Variants in MLLT3 observed in about 807,000 individuals in gnomAD.
The protein encoded by MLLT3 is protein AF-9.
Under a neutral mutation model 53.2 loss-of-function variants are expected in MLLT3, and 4 were observed. The ratio of observed to expected loss-of-function variants is 0.08; its 90% CI spans 0.04 to 0.17. The LOEUF (loss-of-function observed/expected upper bound fraction) is 0.17, where lower values mean the gene tolerates loss of function less well. MLLT3 is among the 10% of genes least tolerant of loss of function. MLLT3 has a pLI of 1.00. For synonymous variants in MLLT3, 283 were observed against 230.6 expected (o/e 1.23, Z -2.06); for missense variants, 569 against 684.0 (o/e 0.83, Z 1.87).
chr9:20,415,790 T>C (rs900617047), intron 4 of MLLT3, among the ~76,000 whole-genome samples: 2 of 151,990 alleles, frequency 1.3e-5, no homozygotes, highest in African/African-American at 2.4e-5. Context: ...AAAATATATA[T>C]ATAGGTACAT....
chr9:20,410,074 A>G (rs1288402630), intron 5 of MLLT3, among the ~76,000 whole-genome samples: 1 of 152,208 alleles, frequency 6.6e-6, no homozygotes, highest in Non-Finnish European at 1.5e-5. Context: ...GTATTTTTAC[A>G]TTGATCATGT....
rs571543127 is a variant in MLLT3, at chr9:20,574,255, A to G, written c.193+46399T>C. 1.1e-4 allele frequency among the ~76,000 whole-genome samples: 17 copies of G among 152,346 alleles called. No individual in the cohort carries two copies. In the East Asian group the frequency reaches 3.3e-3, roughly 29 times the overall value. ...TAAAAAAGAAACATGACAAACACTT[A>G]GAGACACAATAAAAGAAGAATGAAT... On this transcript the variant is annotated intron_variant, in intron 2 of 10. Coordinates refer to ENST00000380338, the MANE Select transcript of MLLT3 (RefSeq NM_004529.4).
chr9:20,601,057 C>T (rs1820409196), intron 2 of MLLT3, among the ~76,000 whole-genome samples: 1 of 152,170 alleles, frequency 6.6e-6, no homozygotes, highest in Non-Finnish European at 1.5e-5. Context: ...ACCGTTGCCC[C>T]CAGACTCAGA....
At chr9:20,522,669 A>G (rs1818093214) in intron 2 of MLLT3, among the ~76,000 whole-genome samples, 1 of 121,604 alleles carries the variant, frequency 8.2e-6, no homozygotes, top group African/African-American at 3.2e-5. Flanking sequence ...AAACAGAATA[A>G]AAACAGTTGT....
intron 2 of MLLT3, among the ~76,000 whole-genome samples, chr9:20,465,737 T>A (rs1824223073): frequency 6.6e-6 from 1 of 152,146 alleles, no homozygotes; most frequent in Admixed American, 6.5e-5. Flanking sequence ...TTTCAGCATC[T>A]TGTGAGCTCT....
intron 5 of MLLT3, among the ~76,000 whole-genome samples, chr9:20,384,254 A>G (rs1458808048): frequency 6.6e-6 from 1 of 152,054 alleles, no homozygotes. Context: ...TTTATAAAAT[A>G]TTACAAAGGA....
intron 2 of MLLT3, among the ~76,000 whole-genome samples, chr9:20,563,654 T>G (rs1300308392): frequency 6.6e-6 from 1 of 152,138 alleles, no homozygotes; most frequent in Non-Finnish European, 1.5e-5. Flanking sequence ...TCAGCTGGGT[T>G]AGAAAGCCCA....
chr9:20,435,860 G>T (rs1360296757), intron 4 of MLLT3, among the ~76,000 whole-genome samples: 3 of 152,112 alleles, frequency 2.0e-5, no homozygotes, highest in Non-Finnish European at 2.9e-5. Flanking sequence ...ATCGGTCCTA[G>T]ATTCAAATAT....
At position 20,426,882 on chromosome 9, in the gene MLLT3, G is replaced by A. The variant is rs117582209; in HGVS notation, c.421-12457C>T. On this transcript the variant is annotated intron_variant, in intron 4 of 10. Coordinates refer to ENST00000380338, the MANE Select transcript of MLLT3 (RefSeq NM_004529.4). ...TGAACTACAATCACTCATGAAAGAT[G>A]GGGTTGCCCTAAGGACACACGCATG... 7.8e-3 allele frequency among the ~76,000 whole-genome samples: 1,188 copies of A among 152,194 alleles called. 50 individuals carry two copies. Among genetic ancestry groups the A allele is most frequent in the Admixed American group, 0.058 (879 of 15,264 alleles).
At chr9:20,369,778 C>T (rs896180874) in intron 5 of MLLT3, among the ~76,000 whole-genome samples, 2 of 152,140 alleles carry the variant, frequency 1.3e-5, no homozygotes, top group Non-Finnish European at 2.9e-5. Context: ...TCATCATCAA[C>T]AGGGTTATAT....
At chr9:20,566,030 ATATT>A (rs1319588866) in intron 2 of MLLT3, among the ~76,000 whole-genome samples, 3,732 of 127,432 alleles carry the variant, frequency 0.029, 74 homozygotes, top group Non-Finnish European at 0.041. Context: ...ATATTTATTT[ATATT>A]TATTTATTTA....
intron 2 of MLLT3, among the ~76,000 whole-genome samples, chr9:20,494,139 T>C (rs944490442): frequency 2.0e-5 from 3 of 152,200 alleles, no homozygotes; most frequent in Non-Finnish European, 2.9e-5. Flanking sequence ...GTCAAAAATA[T>C]ATTTGACTAT....
chr9:20,348,027 T>G lies in MLLT3; in HGVS notation c.1576-1453A>C, dbSNP rs1318330750. On this transcript the variant is annotated intron_variant, in intron 10 of 10. Coordinates refer to ENST00000380338, the MANE Select transcript of MLLT3 (RefSeq NM_004529.4). Reference sequence around the variant, plus strand: ...GTGCTCCCCATTCCTGACATATTATTTGACTTTCACAGAAGCATGACATAT... The same window carrying G: ...GTGCTCCCCATTCCTGACATATTATGTGACTTTCACAGAAGCATGACATAT... 3.9e-5 allele frequency among the ~76,000 whole-genome samples: 6 copies of G among 152,194 alleles called. No individual in the cohort carries two copies. The South Asian group carries it at 6.2e-4, about 16-fold the overall frequency.
chr9:20,549,600 G>T (rs771685320), intron 2 of MLLT3, among the ~76,000 whole-genome samples: 3 of 152,166 alleles, frequency 2.0e-5, no homozygotes, highest in African/African-American at 7.2e-5. Context: ...ATGAACAAAG[G>T]TCACACAGGC....
At chr9:20,595,221 G>C (rs963425207) in intron 2 of MLLT3, among the ~76,000 whole-genome samples, 2 of 151,970 alleles carry the variant, frequency 1.3e-5, no homozygotes, top group African/African-American at 4.8e-5. Flanking sequence ...GAAAAAATTA[G>C]CCAGGCATGG....
chr9:20,571,587 C>T (rs1343558400), intron 2 of MLLT3, among the ~76,000 whole-genome samples: 1 of 152,132 alleles, frequency 6.6e-6, no homozygotes, highest in Non-Finnish European at 1.5e-5. Context: ...CTATCCCTCC[C>T]CTAGCCTCCC....
chr9:20,568,802 T>C (rs2131161310), intron 2 of MLLT3, among the ~76,000 whole-genome samples: 1 of 152,316 alleles, frequency 6.6e-6, no homozygotes, highest in African/African-American at 2.4e-5. Context: ...AACTTGTCTG[T>C]ATTTACATCT....
intron 2 of MLLT3, among the ~76,000 whole-genome samples, chr9:20,541,289 C>T (rs772164508): frequency 6.6e-6 from 1 of 152,194 alleles, no homozygotes; most frequent in Non-Finnish European, 1.5e-5. Context: ...CTGCCTGGTA[C>T]CCCGTTCCAA....
intron 2 of MLLT3, among the ~76,000 whole-genome samples, chr9:20,595,263 A>T (rs1431498640): frequency 6.6e-6 from 1 of 152,156 alleles, no homozygotes; most frequent in Non-Finnish European, 1.5e-5. Context: ...GCTACACAAG[A>T]GGCTGAGACA....
Sources: gnomAD v4.1 joint callset for allele counts (sites outside exome capture counted in the v4.1 genomes callset) on GRCh38, gnomAD v4.1.1 for gene constraint, MANE v1.5 for transcripts, NCBI Gene and HGNC (gene_info 2026-07-23, HGNC 2026-07-21) for gene names.